NDEL1: variants seen among roughly 807,000 people sequenced by gnomAD.
The protein encoded by NDEL1 is nuclear distribution protein nudE-like 1.
A neutral mutation model predicts 45.7 loss-of-function variants in NDEL1; 9 were observed. The ratio of observed to expected loss-of-function variants is 0.20; its 90% CI spans 0.12 to 0.34. The LOEUF (loss-of-function observed/expected upper bound fraction) is 0.34, where lower values mean the gene tolerates loss of function less well. NDEL1 is among the 10% of genes least tolerant of loss of function. NDEL1 has a pLI of 1.00. For synonymous variants in NDEL1, 133 were observed against 158.6 expected (o/e 0.84, Z 1.21); for missense variants, 306 against 406.2 (o/e 0.75, Z 2.12).
chr17:8,470,636 G>GT (rs571442950), downstream of NDEL1, among the ~76,000 whole-genome samples: 20 of 152,316 alleles, frequency 1.3e-4, no homozygotes, highest in South Asian at 2.9e-3. The surrounding 1 kb of genome is among the most constrained non-coding windows in gnomAD (Gnocchi z 4.2). Flanking sequence ...CCGGGTTTGA[G>GT]TTGACTGAGC....
intron 8 of NDEL1, among the ~76,000 whole-genome samples, chr17:8,463,929 A>T (rs1911411823): frequency 6.6e-6 from 1 of 152,234 alleles, no homozygotes; most frequent in Non-Finnish European, 1.5e-5. Flanking sequence ...GCCCACACTC[A>T]TCCACTGAAA....
downstream of NDEL1, among the ~76,000 whole-genome samples, chr17:8,472,248 TC>T (rs1486431943): frequency 6.6e-6 from 1 of 152,188 alleles, no homozygotes; most frequent in East Asian, 1.9e-4. Flanking sequence ...GGCTCACAGT[TC>T]ATCTTAGCTG....
In NDEL1 at chr17:8,444,534, A is replaced by G. The variant is rs560743070; in HGVS notation, c.86+177A>G. 125 of 539,906 alleles carry G rather than the reference A, an allele frequency of 2.3e-4. No individual in the cohort carries two copies. The East Asian group carries it at 3.8e-3, about 16-fold the overall frequency. The allele number at this position is 539,906 out of a possible 1,614,324, so 33.4% of individuals were successfully genotyped here. ...TGTATTTAAATAGTGTAAACATGCC[A>G]TAAGTCTTTATATTGTTCAAATTAT... On this transcript the variant is annotated intron_variant, in intron 2 of 8. Transcript: ENST00000334527.
At chr17:8,418,728 CTTCCTTCCTTTGTTCT>C (rs916320825) in intron 1 of NDEL1, among the ~76,000 whole-genome samples, 3 of 146,170 alleles carry the variant, frequency 2.1e-5, no homozygotes, top group Admixed American at 7.0e-5. Context: ...TCTCTCTTTC[CTTCCTTCCTTTGTTCT>C]TTCCTTCCTT....
intron 1 of NDEL1, among the ~76,000 whole-genome samples, chr17:8,421,354 T>A (rs920332052): frequency 1.2e-4 from 18 of 152,294 alleles, no homozygotes; most frequent in African/African-American, 4.1e-4. Flanking sequence ...AAATTAAGGC[T>A]TTTGAGATGG....
intron 3 of NDEL1, chr17:8,446,091 TGTTCCTAGCTATATTATATTATA>T (rs1910063962): frequency 5.9e-6 from 2 of 340,824 alleles, no homozygotes; most frequent in African/African-American, 4.3e-5. Context: ...CTAGCTATAA[TGTTCCTAGCTATATTATATTATA>T]GTTCCTATAA....
chr17:8,440,711 G>C lies in NDEL1; in HGVS notation c.-12-3549G>C, dbSNP rs1567728447. 2.0e-5 allele frequency among the ~76,000 whole-genome samples: 3 copies of C among 152,144 alleles called. No individual in the cohort carries two copies. In the South Asian group the frequency reaches 6.2e-4, roughly 31 times the overall value. Reference sequence around the variant, plus strand: ...AAAGTTGGTGTTGTATTAAGAATATGTCCCTGTACAAGAACCAGAAGTCAG... The same window carrying C: ...AAAGTTGGTGTTGTATTAAGAATATCTCCCTGTACAAGAACCAGAAGTCAG... On this transcript the variant is annotated intron_variant, in intron 1 of 8. Transcript: ENST00000334527.
intron 7 of NDEL1, among the ~76,000 whole-genome samples, chr17:8,457,856 TTATG>T: frequency 6.6e-6 from 1 of 152,376 alleles, no homozygotes; most frequent in South Asian, 2.1e-4. Flanking sequence ...GCGTTAATAT[TTATG>T]TATAATGTTT....
chr17:8,451,767 T>TC (rs1910518387), intron 6 of NDEL1, among the ~76,000 whole-genome samples: 1 of 151,996 alleles, frequency 6.6e-6, no homozygotes, highest in African/African-American at 2.4e-5. Flanking sequence ...GCTACTCTCA[T>TC]CCCCCCTTGC....
In NDEL1 at chr17:8,444,313, G is replaced by A; in HGVS notation, c.42G>A (p.Glu14=). 1 of 1,613,532 alleles carries A rather than the reference G, an allele frequency of 6.2e-7. No individual in the cohort carries two copies. The highest frequency in any genetic ancestry group is 1.7e-5 in the Admixed American group (1 of 59,952). ...EDIPDFSSLK[E]ETAYWKELSL... is the part of the protein sequence containing the mutation. ...TACCAGATTTTTCAAGTTTAAAGGA[G>A]GAAACTGCTTATTGGAAGGAACTTT... is the stretch of plus-strand genomic sequence containing the variant. The change falls in exon 2 of 9, where the codon GAG becomes GAA. Residue 14 remains glutamate, a synonymous_variant. Coordinates refer to ENST00000334527, the MANE Select transcript of NDEL1 (RefSeq NM_030808.5).
intron 5 of NDEL1, 91 bp from the exon 6 acceptor site, chr17:8,450,689 G>T: frequency 9.0e-7 from 1 of 1,114,346 alleles, no homozygotes; most frequent in East Asian, 2.8e-5. Context: ...AATTTAGGAA[G>T]AAGACCTTTA....
chr17:8,461,580 G>C (rs1911209142), intron 8 of NDEL1, among the ~76,000 whole-genome samples: 1 of 152,202 alleles, frequency 6.6e-6, no homozygotes, highest in East Asian at 1.9e-4. Flanking sequence ...GGTTTCCTCG[G>C]GTGGAGTAAA....
chr17:8,435,850 C>A (rs957810768), upstream of NDEL1: 4 of 446,562 alleles, frequency 9.0e-6, no homozygotes, highest in South Asian at 3.1e-5. Context: ...AGCCCCGCCC[C>A]CGTGCGTCAC....
chr17:8,437,149 T>C (rs573976158), intron 1 of NDEL1, among the ~76,000 whole-genome samples: 3 of 152,318 alleles, frequency 2.0e-5, no homozygotes, highest in African/African-American at 7.2e-5. Flanking sequence ...AATCGTGAAG[T>C]TGATGGGCAC....
downstream of NDEL1, among the ~76,000 whole-genome samples, chr17:8,471,995 A>G (rs1340379794): frequency 6.6e-6 from 1 of 152,022 alleles, no homozygotes; most frequent in Non-Finnish European, 1.5e-5. Context: ...CCTGCCTGGA[A>G]CTCAAGGGAG....
chr17:8,439,067 G>T (rs754902653), intron 1 of NDEL1, among the ~76,000 whole-genome samples: 1 of 151,384 alleles, frequency 6.6e-6, no homozygotes. Flanking sequence ...TCAGCCTCCC[G>T]AGTAGCTGGG....
At chr17:8,416,181 AT>A (rs1908542590) in intron 1 of NDEL1, among the ~76,000 whole-genome samples, 2 of 152,106 alleles carry the variant, frequency 1.3e-5, no homozygotes, top group African/African-American at 4.8e-5. Context: ...TAAGCACTGA[AT>A]CCCCATTTTC....
downstream of NDEL1, among the ~76,000 whole-genome samples, chr17:8,471,007 G>A (rs745741554): frequency 4.6e-5 from 7 of 152,226 alleles, no homozygotes; most frequent in South Asian, 2.1e-4. Flanking sequence ...GGGAGCACCC[G>A]GTAGCCAGCT....
At chr17:8,439,048 TCTC>T (rs2151707734) in intron 1 of NDEL1, among the ~76,000 whole-genome samples, 2 of 149,386 alleles carry the variant, frequency 1.3e-5, no homozygotes, top group East Asian at 4.0e-4. Context: ...TTCACGCCAT[TCTC>T]CTGCCTCAGC....
Sources: allele counts gnomAD v4.1 joint callset (sites outside exome capture counted in the v4.1 genomes callset), GRCh38; gene constraint gnomAD v4.1.1; non-coding constraint Gnocchi (gnomAD v3.1); transcripts MANE v1.5; gene names NCBI Gene and HGNC (gene_info 2026-07-23, HGNC 2026-07-21).